CDYL: variants seen among roughly 807,000 people sequenced by gnomAD.
The protein encoded by CDYL is chromodomain Y-like protein.
CDYL carries 8 observed loss-of-function variants against 47.3 expected under a neutral mutation model. The ratio of observed to expected loss-of-function variants is 0.17; its 90% CI spans 0.10 to 0.31. CDYL has a LOEUF of 0.31. CDYL is among the 10% of genes least tolerant of loss of function. The probability of loss-of-function intolerance (pLI) is 1.00; values close to 1 mark genes in which losing one functional copy is unlikely to be tolerated. For synonymous variants in CDYL, 266 were observed against 265.0 expected (o/e 1.00, Z -0.04); for missense variants, 471 against 701.4 (o/e 0.67, Z 3.71).
intron 1 of CDYL, among the ~76,000 whole-genome samples, chr6:4,836,988 C>T (rs140973303): frequency 6.6e-6 from 1 of 152,338 alleles, no homozygotes; most frequent in Non-Finnish European, 1.5e-5. Flanking sequence ...GTGGAAGTCT[C>T]TCTCATGAGA....
upstream of CDYL, chr6:4,776,366 C>T: frequency 6.9e-6 from 1 of 145,336 alleles, no homozygotes; most frequent in Non-Finnish European, 1.5e-5. Context: ...GGCCGGGCGG[C>T]CGCACTGGGC....
At position 4,905,504 on chromosome 6, in the gene CDYL, G is replaced by A. The variant is rs150864751; in HGVS notation, c.691+13125G>A. Among the ~76,000 whole-genome samples the A allele has an allele frequency of 5.9e-5, 9 of 152,314 alleles. No homozygotes were observed. In the East Asian group the frequency reaches 1.5e-3, roughly 26 times the overall value. ...GAAGTGGCATGCTTAATTCCGCAGG[G>A]GCAGTGGGGGGATATTTAGAAGCAG... On this transcript the variant is annotated intron_variant, in intron 2 of 6. Transcript: ENST00000397588.
At chr6:4,722,279 C>T (rs1224235671) in intron 2 of CDYL, among the ~76,000 whole-genome samples, 20 of 151,984 alleles carry the variant, frequency 1.3e-4, no homozygotes, top group Non-Finnish European at 7.4e-5. Flanking sequence ...CTGGGCAACA[C>T]AGCAGGACCC....
intron 2 of CDYL, among the ~76,000 whole-genome samples, chr6:4,925,974 A>G (rs17138989): frequency 0.064 from 9,782 of 152,232 alleles, 648 homozygotes; most frequent in African/African-American, 0.16. Flanking sequence ...AGTTAGGTAG[A>G]TTTCATTCAT....
intron 1 of CDYL, among the ~76,000 whole-genome samples, chr6:4,813,255 G>A (rs981483344): frequency 2.6e-5 from 4 of 152,188 alleles, no homozygotes; most frequent in East Asian, 3.8e-4. Flanking sequence ...GAACACTGCC[G>A]TCGTCATCTT....
chr6:4,825,142 A>C (rs1554100570), intron 1 of CDYL, among the ~76,000 whole-genome samples: 1 of 152,142 alleles, frequency 6.6e-6, no homozygotes, highest in Non-Finnish European at 1.5e-5. Flanking sequence ...AAGTGCTGGG[A>C]TTTCAGGCAT....
chr6:4,863,875 G>A (rs1343714189), intron 1 of CDYL, among the ~76,000 whole-genome samples: 3 of 152,194 alleles, frequency 2.0e-5, no homozygotes, highest in Non-Finnish European at 4.4e-5. Context: ...TCCAGTTTAA[G>A]TAAAATTAGT....
intron 5 of CDYL, among the ~76,000 whole-genome samples, chr6:4,946,864 T>C (rs1177341921): frequency 1.3e-5 from 2 of 152,154 alleles, no homozygotes; most frequent in African/African-American, 4.8e-5. Flanking sequence ...CATATGCATC[T>C]TGTCCCACCC....
chr6:4,938,521 T>C (rs1055126580), intron 4 of CDYL, among the ~76,000 whole-genome samples: 2 of 152,228 alleles, frequency 1.3e-5, no homozygotes, highest in Non-Finnish European at 2.9e-5. Context: ...ACGAATACAT[T>C]GTGGAATGGT....
intron 1 of CDYL, among the ~76,000 whole-genome samples, chr6:4,823,903 A>C (rs1759909561): frequency 6.6e-6 from 1 of 152,210 alleles, no homozygotes; most frequent in Non-Finnish European, 1.5e-5. Context: ...CGCTTCCCCC[A>C]GTCCCTGGAA....
chr6:4,933,574 AT>A (rs1353439009), intron 2 of CDYL, among the ~76,000 whole-genome samples: 1 of 152,156 alleles, frequency 6.6e-6, no homozygotes, highest in African/African-American at 2.4e-5. Context: ...GGAGGAACAG[AT>A]TAGAGAGGGT....
chr6:4,864,733 A>ATT (rs1178997177), intron 1 of CDYL, among the ~76,000 whole-genome samples: 1 of 152,108 alleles, frequency 6.6e-6, no homozygotes, highest in African/African-American at 2.4e-5. Flanking sequence ...ATCACATAAG[A>ATT]AGTGCCTTTC....
At chr6:4,824,107 C>A (rs1437862733) in intron 1 of CDYL, among the ~76,000 whole-genome samples, 1 of 152,226 alleles carries the variant, frequency 6.6e-6, no homozygotes, top group Non-Finnish European at 1.5e-5. Context: ...CATAGATACA[C>A]CACATTTTAT....
intron 1 of CDYL, among the ~76,000 whole-genome samples, chr6:4,787,255 A>G (rs200110368): frequency 6.6e-6 from 1 of 152,136 alleles, no homozygotes; most frequent in Non-Finnish European, 1.5e-5. Flanking sequence ...TGTGTGTTTG[A>G]GGGAGGTGCT....
At chr6:4,840,274 T>C (rs1313850415) in intron 1 of CDYL, among the ~76,000 whole-genome samples, 6 of 152,168 alleles carry the variant, frequency 3.9e-5, no homozygotes, top group Non-Finnish European at 8.8e-5. Context: ...CCTGGAACTT[T>C]GCTGAATTTA....
At chr6:4,860,695 A>C (rs1166576077) in intron 1 of CDYL, among the ~76,000 whole-genome samples, 1 of 151,082 alleles carries the variant, frequency 6.6e-6, no homozygotes, top group Non-Finnish European at 1.5e-5. Context: ...CACAATCACA[A>C]GGTCCCGCAA....
At chr6:4,859,907 CTT>C (rs1157813995) in intron 1 of CDYL, among the ~76,000 whole-genome samples, 1 of 142,586 alleles carries the variant, frequency 7.0e-6, no homozygotes. Context: ...CTTTTTTTTT[CTT>C]TTTTTTTTTG....
chr6:4,785,028 A>AATT (rs1432606800), intron 1 of CDYL, among the ~76,000 whole-genome samples: 1 of 152,190 alleles, frequency 6.6e-6, no homozygotes, highest in African/African-American at 2.4e-5. Flanking sequence ...TTCCTTTATA[A>AATT]ATTACCCGGT....
In CDYL at chr6:4,770,640, A is replaced by G. The variant is rs530334103; in HGVS notation, c.186+35796A>G. ...GGAAAATCTTCTACATTGTGTGGAA[A>G]GATAAGGCCTAAAATGCATACTATT... is the stretch of plus-strand genomic sequence containing the variant. On this transcript the variant is annotated intron_variant, in intron 3 of 8. Transcript: ENST00000328908. Among the ~76,000 whole-genome samples, 119 of 152,326 alleles carry G rather than the reference A, an allele frequency of 7.8e-4. 1 individual carries two copies. In the South Asian group the frequency reaches 0.023, roughly 30 times the overall value.
Sources: gnomAD v4.1 joint callset for allele counts (sites outside exome capture counted in the v4.1 genomes callset) on GRCh38, gnomAD v4.1.1 for gene constraint, MANE v1.5 for transcripts, NCBI Gene and HGNC (gene_info 2026-07-23, HGNC 2026-07-21) for gene names.